Variants in ULK4 observed in about 807,000 individuals in gnomAD.
ULK4 encodes unc-51 like kinase 4.
Under a neutral mutation model 160.6 loss-of-function variants are expected in ULK4, and 133 were observed. The observed-to-expected ratio is 0.83, with a 90% CI of 0.72 to 0.96. ULK4 has a LOEUF of 0.96. Ranked by LOEUF, ULK4 falls within the 40% of genes least tolerant of loss-of-function variation. The pLI is 0.00. For missense variants in ULK4, 1,580 were observed against 1,499.5 expected, an observed-to-expected ratio of 1.05 and a Z score of -0.89; for synonymous variants, 534 against 539.8, an observed-to-expected ratio of 0.99 and a Z score of 0.15.
chr3:41,915,698 A>G (rs1473471267), intron 8 of ULK4, among the ~76,000 whole-genome samples: 1 of 152,202 alleles, frequency 6.6e-6, no homozygotes, highest in Non-Finnish European at 1.5e-5. Flanking sequence ...GTTATAAGAA[A>G]ATTTGTCAAC....
chr3:41,647,672 G>T (rs1017480548), intron 30 of ULK4, among the ~76,000 whole-genome samples: 1 of 152,226 alleles, frequency 6.6e-6, no homozygotes, highest in Admixed American at 6.5e-5. Flanking sequence ...GAGGCAGTCT[G>T]CCCGTTCTCA....
intron 5 of ULK4, among the ~76,000 whole-genome samples, chr3:41,922,797 G>A (rs1699238407): frequency 6.6e-6 from 1 of 152,152 alleles, no homozygotes; most frequent in South Asian, 2.1e-4. Context: ...CATGCAAAGA[G>A]AAAGGGAAAG....
chr3:41,554,278 T>C (rs1382947804), intron 32 of ULK4, among the ~76,000 whole-genome samples: 1 of 152,180 alleles, frequency 6.6e-6, no homozygotes, highest in African/African-American at 2.4e-5. Flanking sequence ...ATCAACCGAA[T>C]AGTATTCTAT....
At chr3:41,843,094 T>C (rs2041975498) in intron 17 of ULK4, among the ~76,000 whole-genome samples, 1 of 152,162 alleles carries the variant, frequency 6.6e-6, no homozygotes, top group African/African-American at 2.4e-5. Context: ...AAATATAGGA[T>C]AACGTCTTCA....
chr3:41,358,525 A>T (rs2081070340), intron 35 of ULK4, among the ~76,000 whole-genome samples: 1 of 152,140 alleles, frequency 6.6e-6, no homozygotes, highest in South Asian at 2.1e-4. Context: ...GTGACATGTG[A>T]GTAAAGACCT....
intron 32 of ULK4, among the ~76,000 whole-genome samples, chr3:41,535,201 A>C (rs2086457233): frequency 6.6e-6 from 1 of 152,224 alleles, no homozygotes; most frequent in Non-Finnish European, 1.5e-5. Flanking sequence ...GGGTGTTCAC[A>C]CCCATTCTGC....
At chr3:41,947,997 T>C (rs1477958616) in intron 2 of ULK4, among the ~76,000 whole-genome samples, 5 of 152,156 alleles carry the variant, frequency 3.3e-5, no homozygotes, top group African/African-American at 9.7e-5. Flanking sequence ...ATTAAAACTC[T>C]TGCACATGCT....
At chr3:41,333,157 G>A (rs897546067) in intron 35 of ULK4, among the ~76,000 whole-genome samples, 3 of 152,204 alleles carry the variant, frequency 2.0e-5, no homozygotes, top group African/African-American at 7.2e-5. Flanking sequence ...AGGTATTTCA[G>A]AGTAAGCACT....
Position 41,263,672 on chromosome 3 carries a change from T to C in ULK4, c.3679-14098A>G, listed in dbSNP as rs148057795. Among the ~76,000 whole-genome samples, 198 of 152,320 alleles carry C rather than the reference T, an allele frequency of 1.3e-3. 1 individual carries two copies. Among genetic ancestry groups the C allele is most frequent in the African/African-American group, 4.4e-3 (181 of 41,562 alleles). On this transcript the variant is annotated intron_variant, in intron 35 of 36. Coordinates refer to ENST00000301831, the MANE Select transcript of ULK4 (RefSeq NM_017886.4). The stretch of plus-strand genomic sequence containing the variant: ...GCAATAAATATCATACATCCTGAAT[T>C]TGAGACCTCCAGTGTCGTAAGAAAG...
intron 35 of ULK4, among the ~76,000 whole-genome samples, chr3:41,313,843 C>G (rs956127491): frequency 6.6e-6 from 1 of 152,084 alleles, no homozygotes; most frequent in Non-Finnish European, 1.5e-5. Context: ...TGAACAGAAA[C>G]AAGGTATGAT....
At chr3:41,677,334 T>C (rs1227908576) in intron 29 of ULK4, among the ~76,000 whole-genome samples, 16 of 137,764 alleles carry the variant, frequency 1.2e-4, no homozygotes, top group Non-Finnish European at 1.5e-4. Flanking sequence ...GTTCATTCAT[T>C]TTTTTTTTTT....
At chr3:41,468,751 T>C (rs567070606) in intron 32 of ULK4, among the ~76,000 whole-genome samples, 1 of 152,302 alleles carries the variant, frequency 6.6e-6, no homozygotes, top group East Asian at 1.9e-4. Context: ...AACTGGGGTT[T>C]CTACAGAGGG....
chr3:41,931,872 C>A lies in ULK4; in HGVS notation c.513G>T (p.Leu171=), dbSNP rs1699615535. The change falls in exon 5 of 37, where the codon CTG becomes CTT. Residue 171 remains leucine, a synonymous_variant. Transcript: ENST00000301831. ...EGGGDNGENV[L]KKSMKSRVKG... ...TGACTCTACTTTTCATGCTTTTCTT[C>A]AGGACATTTTCCCCATTATCACCTC... 1.2e-6 allele frequency: 2 copies of A among 1,614,108 alleles called. No individual in the cohort carries two copies. Among genetic ancestry groups the A allele is most frequent in the Non-Finnish European group, 1.7e-6 (2 of 1,180,014 alleles).
At chr3:41,453,617 A>T (rs2083471862) in intron 34 of ULK4, among the ~76,000 whole-genome samples, 1 of 152,238 alleles carries the variant, frequency 6.6e-6, no homozygotes, top group Admixed American at 6.5e-5. Flanking sequence ...GCATCAATAA[A>T]TTAAGTAACA....
At chr3:41,488,066 T>G (rs1018217969) in intron 32 of ULK4, among the ~76,000 whole-genome samples, 1 of 152,084 alleles carries the variant, frequency 6.6e-6, no homozygotes, top group Non-Finnish European at 1.5e-5. Context: ...TGGAAACCAT[T>G]ATAAAAGATG....
chr3:41,514,701 C>G (rs2085694657), intron 32 of ULK4, among the ~76,000 whole-genome samples: 1 of 151,904 alleles, frequency 6.6e-6, no homozygotes, highest in Non-Finnish European at 1.5e-5. Flanking sequence ...ATTGCATGTT[C>G]TTATTCATAA....
intron 35 of ULK4, among the ~76,000 whole-genome samples, chr3:41,367,195 C>A (rs1178406149): frequency 6.6e-6 from 1 of 152,186 alleles, no homozygotes. Context: ...TGTTCATGTT[C>A]ATAAATGAAG....
intron 17 of ULK4, among the ~76,000 whole-genome samples, chr3:41,837,764 T>C (rs756185967): frequency 6.6e-6 from 1 of 152,158 alleles, no homozygotes; most frequent in Non-Finnish European, 1.5e-5. Context: ...TTTCGCCATG[T>C]TGGCCCGGGT....
intron 35 of ULK4, among the ~76,000 whole-genome samples, chr3:41,380,977 C>T (rs934894405): frequency 7.2e-5 from 11 of 152,136 alleles, no homozygotes; most frequent in African/African-American, 2.7e-4. Context: ...TTGGTTCTCA[C>T]TGCTGCTTCC....
Sources: allele counts gnomAD v4.1 joint callset (sites outside exome capture counted in the v4.1 genomes callset), GRCh38; gene constraint gnomAD v4.1.1; transcripts MANE v1.5; gene names NCBI Gene and HGNC (gene_info 2026-07-23, HGNC 2026-07-21).